The following WDR41 variants were observed in gnomAD, a reference collection of about 807,000 sequenced individuals.
WDR41 encodes WD repeat domain 41.
In WDR41, 63 loss-of-function variants were observed where a neutral mutation model predicts 69.3. The ratio of observed to expected loss-of-function variants is 0.91; its 90% CI spans 0.74 to 1.12. The LOEUF (loss-of-function observed/expected upper bound fraction) is 1.12. Among genes scored for constraint, WDR41 ranks in the 50% most tolerant of loss-of-function variants. The probability of loss-of-function intolerance (pLI) is 0.00; values close to 1 mark genes in which losing one functional copy is unlikely to be tolerated. For missense variants in WDR41, 543 were observed against 534.5 expected (o/e 1.02, Z -0.16); for synonymous variants, 185 against 192.1 (o/e 0.96, Z 0.31).
chr5:77,457,543 A>G (rs1205020035), intron 5 of WDR41, among the ~76,000 whole-genome samples: 1 of 152,110 alleles, frequency 6.6e-6, no homozygotes, highest in African/African-American at 2.4e-5. Context: ...GTTTTCTAGA[A>G]TGATCACTGG....
chr5:77,565,733 A>T (rs1236461280), intron 1 of WDR41, among the ~76,000 whole-genome samples: 1 of 151,568 alleles, frequency 6.6e-6, no homozygotes, highest in African/African-American at 2.4e-5. Flanking sequence ...TTCCCTCTAC[A>T]TTTTTTCCTT....
At chr5:77,581,512 A>T (rs1743939215) in intron 1 of WDR41, among the ~76,000 whole-genome samples, 1 of 152,230 alleles carries the variant, frequency 6.6e-6, no homozygotes, top group South Asian at 2.1e-4. Context: ...TACACATAAC[A>T]GACTTCTAGA....
At chr5:77,546,151 G>T in intron 1 of WDR41, 1 of 479,230 alleles carries the variant, frequency 2.1e-6, no homozygotes. Flanking sequence ...TCCGACCTCT[G>T]GAAGGAGACT....
intron 1 of WDR41, among the ~76,000 whole-genome samples, chr5:77,572,418 T>C (rs1293876181): frequency 6.6e-6 from 1 of 152,240 alleles, no homozygotes; most frequent in Non-Finnish European, 1.5e-5. Flanking sequence ...ATTCAGTAAT[T>C]GTTGCTGCTT....
intron 1 of WDR41, among the ~76,000 whole-genome samples, chr5:77,543,134 G>A (rs1743123539): frequency 6.6e-6 from 1 of 152,104 alleles, no homozygotes; most frequent in Admixed American, 6.5e-5. Flanking sequence ...AACACCCTGT[G>A]GGACAAAAGA....
chr5:77,508,066 T>C (rs1373963115), intron 1 of WDR41, among the ~76,000 whole-genome samples: 1 of 152,192 alleles, frequency 6.6e-6, no homozygotes, highest in Non-Finnish European at 1.5e-5. Context: ...TTATTTCACT[T>C]TTTGACTTCA....
At chr5:77,520,915 A>G (rs1289502808) in intron 1 of WDR41, among the ~76,000 whole-genome samples, 1 of 152,176 alleles carries the variant, frequency 6.6e-6, no homozygotes, top group Non-Finnish European at 1.5e-5. Flanking sequence ...CAGCCGTCAT[A>G]AGTATCTGAA....
At chr5:77,506,206 C>A (rs547631429) in intron 1 of WDR41, among the ~76,000 whole-genome samples, 1 of 152,228 alleles carries the variant, frequency 6.6e-6, no homozygotes, top group Non-Finnish European at 1.5e-5. Context: ...AAACAAACAA[C>A]CTCATCAAAA....
rs2560077 is a variant in WDR41, at chr5:77,440,796, G to A, written c.882+17C>T. 146,923 of 1,611,600 alleles carry A rather than the reference G, an allele frequency of 0.091. 9,346 individuals are homozygous for A. Among genetic ancestry groups the A allele is most frequent in the Admixed American group, 0.23 (13,513 of 59,898 alleles). On this transcript the variant is annotated intron_variant, in intron 9 of 12. Transcript: ENST00000296679. The stretch of plus-strand genomic sequence containing the variant: ...TATGTCAAAGGCAAGTTTATAGATA[G>A]TGTATACATTTTTTACCTCTTCATC...
intron 1 of WDR41, among the ~76,000 whole-genome samples, chr5:77,601,808 T>C (rs1225646941): frequency 6.6e-6 from 1 of 152,232 alleles, no homozygotes; most frequent in Non-Finnish European, 1.5e-5. Context: ...CTGAATCTTT[T>C]TAAAAACCTT....
intron 8 of WDR41, among the ~76,000 whole-genome samples, chr5:77,443,320 G>A (rs955573855): frequency 8.5e-5 from 13 of 152,092 alleles, no homozygotes; most frequent in Admixed American, 7.2e-4. Context: ...ATACAGATGA[G>A]TAATTATGAT....
chr5:77,603,086 C>G (rs747756682), intron 1 of WDR41, among the ~76,000 whole-genome samples: 1 of 151,968 alleles, frequency 6.6e-6, no homozygotes, highest in Admixed American at 6.6e-5. Context: ...TACAGGCGCC[C>G]ACCACCATGC....
intron 3 of WDR41, 66 bp from the exon 4 acceptor site, chr5:77,463,292 A>G: frequency 6.9e-7 from 1 of 1,458,640 alleles, no homozygotes; most frequent in East Asian, 2.3e-5. Flanking sequence ...AAATGACTAC[A>G]TTAAGTACAA....
At chr5:77,563,319 C>T (rs1580011547) in intron 1 of WDR41, among the ~76,000 whole-genome samples, 1 of 152,050 alleles carries the variant, frequency 6.6e-6, no homozygotes, top group South Asian at 2.1e-4. Flanking sequence ...TCTGAATCTG[C>T]CTCCCACCAG....
In WDR41 at chr5:77,461,925, TCAC is replaced by T. The variant is rs199866291; in HGVS notation, c.348+1167_348+1169del. Among the ~76,000 whole-genome samples, 516 of 152,268 alleles carry T rather than the reference TCAC, an allele frequency of 3.4e-3. 4 individuals are homozygous for T. Among genetic ancestry groups the T allele is most frequent in the African/African-American group, 0.012 (485 of 41,556 alleles). On this transcript the variant is annotated intron_variant, in intron 4 of 12. Coordinates refer to ENST00000296679, the MANE Select transcript of WDR41 (RefSeq NM_018268.4). ...TATCCATAGCACTTGACTCTGGACT[TCAC>T]CAAGCCAATTCCTCATACAGATATT...
chr5:77,472,374 T>C (rs2111984967), intron 2 of WDR41, among the ~76,000 whole-genome samples: 1 of 151,814 alleles, frequency 6.6e-6, no homozygotes, highest in African/African-American at 2.4e-5. Context: ...AAGACAGGGA[T>C]GCCCTCTCTC....
At chr5:77,567,489 A>G (rs1743654875) in intron 1 of WDR41, among the ~76,000 whole-genome samples, 1 of 152,040 alleles carries the variant, frequency 6.6e-6, no homozygotes, top group Admixed American at 6.6e-5. Context: ...TTCCATCCTC[A>G]CAGAGTTACT....
chr5:77,534,438 A>ATT (rs11398541), intron 1 of WDR41, among the ~76,000 whole-genome samples: 3 of 151,190 alleles, frequency 2.0e-5, no homozygotes, highest in African/African-American at 4.9e-5. Context: ...CAAAATTTCA[A>ATT]TTTTTTTTTC....
At chr5:77,618,009 CT>C (rs1195362863) in intron 1 of WDR41, among the ~76,000 whole-genome samples, 1 of 152,048 alleles carries the variant, frequency 6.6e-6, no homozygotes, top group East Asian at 1.9e-4. Context: ...GAAAAGAAAG[CT>C]TGTAAATGAG....
Sources: gnomAD v4.1 joint callset for allele counts (sites outside exome capture counted in the v4.1 genomes callset) on GRCh38, gnomAD v4.1.1 for gene constraint, MANE v1.5 for transcripts, NCBI Gene and HGNC (gene_info 2026-07-23, HGNC 2026-07-21) for gene names.